Variants in ZMIZ1 observed in about 807,000 individuals in gnomAD.
ZMIZ1 encodes zinc finger MIZ domain-containing protein 1.
ZMIZ1 carries 17 observed loss-of-function variants against 113.9 expected under a neutral mutation model. That is an observed-to-expected ratio of 0.15 (90% confidence interval 0.10 to 0.22). The LOEUF is 0.22. ZMIZ1 is among the 10% of genes least tolerant of loss of function. ZMIZ1 has a pLI of 1.00. For missense variants in ZMIZ1, 1,059 were observed against 1,477.8 expected (o/e 0.72, Z 4.65); for synonymous variants, 607 against 603.1 (o/e 1.01, Z -0.09).
At chr10:79,278,236 G>T (rs1365769322) in intron 8 of ZMIZ1, among the ~76,000 whole-genome samples, 1 of 152,148 alleles carries the variant, frequency 6.6e-6, no homozygotes, top group Non-Finnish European at 1.5e-5. Flanking sequence ...CCCCTGACAT[G>T]TGGTTGCCTG....
chr10:79,306,029 G>A (rs1177490229), intron 21 of ZMIZ1, 71 bp from the exon 22 acceptor site: 30 of 1,563,624 alleles, frequency 1.9e-5, no homozygotes, highest in African/African-American at 2.7e-5. Flanking sequence ...GTGTCTGTCG[G>A]AGCTGGAGGT....
intron 1 of ZMIZ1, among the ~76,000 whole-genome samples, chr10:79,096,846 T>C (rs1843185114): frequency 1.3e-5 from 2 of 152,050 alleles, no homozygotes; most frequent in South Asian, 4.1e-4. Context: ...TAAATTATGA[T>C]AAGCACCAAG....
chr10:79,127,163 T>C (rs1408023817), intron 2 of ZMIZ1, among the ~76,000 whole-genome samples: 1 of 152,176 alleles, frequency 6.6e-6, no homozygotes, highest in East Asian at 1.9e-4. Flanking sequence ...AGCTGACTGA[T>C]ACCCTGATGC....
At chr10:79,205,651 G>T (rs1432055626) in intron 5 of ZMIZ1, among the ~76,000 whole-genome samples, 1 of 152,208 alleles carries the variant, frequency 6.6e-6, no homozygotes, top group Non-Finnish European at 1.5e-5. Context: ...CTGATGTGCA[G>T]CAATGTCTCC....
chr10:79,225,213 C>A (rs1247006410), intron 7 of ZMIZ1, among the ~76,000 whole-genome samples: 4 of 152,318 alleles, frequency 2.6e-5, no homozygotes, highest in South Asian at 4.1e-4. Context: ...TGGCATCACA[C>A]CCCCATCATC....
intron 1 of ZMIZ1, among the ~76,000 whole-genome samples, chr10:79,095,907 T>A (rs1236393118): frequency 6.6e-6 from 1 of 152,254 alleles, no homozygotes; most frequent in Non-Finnish European, 1.5e-5. Flanking sequence ...GTACTACGTG[T>A]GGCCATCTAG....
At chr10:79,194,574 G>T (rs768460692) in intron 4 of ZMIZ1, among the ~76,000 whole-genome samples, 11 of 152,218 alleles carry the variant, frequency 7.2e-5, no homozygotes, top group Admixed American at 3.9e-4. Flanking sequence ...TGAGACCGTT[G>T]AGATGCTTCT....
chr10:79,316,492 T>C lies in ZMIZ1; in HGVS notation c.*3743T>C, dbSNP rs1439709201. On this transcript the variant is annotated 3_prime_UTR_variant, in exon 25 of 25. Coordinates refer to ENST00000334512, the MANE Select transcript of ZMIZ1 (RefSeq NM_020338.4). ...GGTATCTCATTTGCCCATGTTAATTTTTTTCTAAATAAATTGACAAAAACA... is the reference window on the plus strand; with the variant it reads ...GGTATCTCATTTGCCCATGTTAATTCTTTTCTAAATAAATTGACAAAAACA... The C allele has an allele frequency of 2.0e-5, 3 of 152,780 alleles. No individual in the cohort carries two copies. The highest frequency in any genetic ancestry group is 6.5e-5 in the Admixed American group (1 of 15,290). 9.5% of individuals were successfully genotyped at this position (152,780 alleles called of 1,614,324 possible).
At chr10:79,147,387 G>T (rs1304614347) in intron 3 of ZMIZ1, among the ~76,000 whole-genome samples, 4 of 152,208 alleles carry the variant, frequency 2.6e-5, no homozygotes, top group Non-Finnish European at 5.9e-5. Flanking sequence ...ACCAGAGAAA[G>T]GGACACACAT....
chr10:79,245,189 TC>T (rs1395739809), intron 7 of ZMIZ1, among the ~76,000 whole-genome samples: 1 of 152,168 alleles, frequency 6.6e-6, no homozygotes, highest in African/African-American at 2.4e-5. Context: ...TGCACAGCCC[TC>T]CCCTGGCTCA....
chr10:79,206,322 A>T (rs1848317095), intron 5 of ZMIZ1, among the ~76,000 whole-genome samples: 1 of 152,196 alleles, frequency 6.6e-6, no homozygotes, highest in African/African-American at 2.4e-5. Context: ...GGGTGCTGTG[A>T]CCAGCTGGGG....
chr10:79,122,792 G>A (rs1844355549), intron 2 of ZMIZ1, among the ~76,000 whole-genome samples: 1 of 152,226 alleles, frequency 6.6e-6, no homozygotes. Flanking sequence ...GCTGAGGTCA[G>A]ACCCACATCG....
intron 1 of ZMIZ1, among the ~76,000 whole-genome samples, chr10:79,070,404 C>T (rs527331561): frequency 6.6e-6 from 1 of 152,172 alleles, no homozygotes; most frequent in African/African-American, 2.4e-5. Context: ...AGCAGATTTT[C>T]ACGGGAGACT....
chr10:79,261,825 C>T (rs1469180973), intron 7 of ZMIZ1, among the ~76,000 whole-genome samples: 4 of 152,144 alleles, frequency 2.6e-5, no homozygotes, highest in Admixed American at 1.3e-4. Flanking sequence ...TTTAGAGCAC[C>T]GAGGTGAGAT....
At chr10:79,175,940 G>A (rs1263693149) in intron 4 of ZMIZ1, among the ~76,000 whole-genome samples, 1 of 152,078 alleles carries the variant, frequency 6.6e-6, no homozygotes, top group Non-Finnish European at 1.5e-5. Context: ...GGAAAAGGCA[G>A]AGAGGGGAGA....
At position 79,300,837 on chromosome 10, in the gene ZMIZ1, C is replaced by A. The variant is rs751597984; in HGVS notation, c.1914C>A (p.Thr638=). 6.2e-7 allele frequency: 1 copy of A among 1,613,842 alleles called. No individual in the cohort carries two copies. The highest frequency in any genetic ancestry group is 8.5e-7 in the Non-Finnish European group (1 of 1,180,002). Residue 638 remains threonine, a synonymous_variant, in exon 17 of 25, where the codon ACC becomes ACA. Transcript: ENST00000334512. The stretch of plus-strand genomic sequence containing the variant: ...TCAGCGTGAACGCCACGCCCCTCAC[C>A]ATTGAGCGCGGCGACAACAAGACCT... ...VQVSVNATPL[T]IERGDNKTSH... is the part of the protein sequence containing the mutation.
chr10:79,085,786 C>T (rs905608682), intron 1 of ZMIZ1, among the ~76,000 whole-genome samples: 2 of 152,206 alleles, frequency 1.3e-5, no homozygotes, highest in Non-Finnish European at 2.9e-5. Context: ...AAGTGCCTCT[C>T]CCTCTGTTTC....
At chr10:79,141,886 G>A (rs1037978115) in intron 3 of ZMIZ1, among the ~76,000 whole-genome samples, 7 of 152,246 alleles carry the variant, frequency 4.6e-5, no homozygotes. Context: ...GCGGACAAGT[G>A]TGGAGCAGAG....
chr10:79,280,864 C>T (rs554603210), intron 8 of ZMIZ1, among the ~76,000 whole-genome samples: 45 of 152,254 alleles, frequency 3.0e-4, no homozygotes, highest in African/African-American at 1.1e-3. Context: ...TGAACCAAGC[C>T]GCTGAGCACA....
Sources: allele counts gnomAD v4.1 joint callset (sites outside exome capture counted in the v4.1 genomes callset), GRCh38; gene constraint gnomAD v4.1.1; transcripts MANE v1.5; gene names NCBI Gene and HGNC (gene_info 2026-07-23, HGNC 2026-07-21).